The following SYT16 variants were observed in gnomAD, a reference collection of about 807,000 sequenced individuals.
SYT16 encodes synaptotagmin 16.
SYT16 carries 42 observed loss-of-function variants against 61.4 expected under a neutral mutation model. That is an observed-to-expected ratio of 0.68 (90% CI 0.53 to 0.89). The LOEUF is 0.89. Ranked by LOEUF, SYT16 falls within the 40% of genes least tolerant of loss-of-function variation. The pLI, the probability that SYT16 is intolerant of heterozygous loss-of-function variation, is 0.00. For missense variants in SYT16, 804 were observed against 807.3 expected (o/e 1.00, Z 0.05); for synonymous variants, 314 against 302.3 (o/e 1.04, Z -0.40).
chr14:61,864,902 G>A, intron 1 of SYT16: 2 of 1,248,802 alleles, frequency 1.6e-6, no homozygotes, highest in South Asian at 1.2e-5. Flanking sequence ...CGCGGATGGC[G>A]GGATGCTCCG....
intron 1 of SYT16, among the ~76,000 whole-genome samples, chr14:61,946,037 C>T (rs1276884566): frequency 2.0e-5 from 3 of 151,966 alleles, no homozygotes; most frequent in East Asian, 1.9e-4. Flanking sequence ...GGGAGGGGAA[C>T]ATCACACACC....
Position 61,879,235 on chromosome 14 carries a change from A to T in SYT16, c.-325+66425A>T, listed in dbSNP as rs530453619. On this transcript the variant is annotated intron_variant, in intron 1 of 7. Transcript: ENST00000683842. Reference sequence around the variant, plus strand: ...TTAATACTTTTTCTCTTTGGCTTCCATAAGGATTTAAAAACAAAAACAGAA... The same window carrying T: ...TTAATACTTTTTCTCTTTGGCTTCCTTAAGGATTTAAAAACAAAAACAGAA... 1.2e-4 allele frequency among the ~76,000 whole-genome samples: 18 copies of T among 152,288 alleles called. No homozygotes were observed. The South Asian group carries it at 3.5e-3, about 30-fold the overall frequency.
chr14:62,029,822 G>C (rs183473598), intron 3 of SYT16, among the ~76,000 whole-genome samples: 57 of 152,066 alleles, frequency 3.7e-4, no homozygotes, highest in African/African-American at 1.3e-3. Flanking sequence ...GGTTTTATCA[G>C]CTGAGGCCAT....
chr14:61,887,642 T>A (rs1470354117), intron 1 of SYT16, among the ~76,000 whole-genome samples: 1 of 152,238 alleles, frequency 6.6e-6, no homozygotes, highest in Non-Finnish European at 1.5e-5. Flanking sequence ...TGCCTTGCAC[T>A]TTTATATTAT....
intron 1 of SYT16, among the ~76,000 whole-genome samples, chr14:61,949,128 T>G (rs1305605650): frequency 1.3e-5 from 2 of 152,214 alleles, no homozygotes; most frequent in African/African-American, 2.4e-5. Flanking sequence ...CACCACCAGA[T>G]ACAAGATTGG....
At chr14:61,842,426 G>A (rs2046325168) in intron 1 of SYT16, among the ~76,000 whole-genome samples, 1 of 152,096 alleles carries the variant, frequency 6.6e-6, no homozygotes, top group Admixed American at 6.6e-5. Flanking sequence ...AGCATGCAAT[G>A]TTTGTCTTTC....
intron 1 of SYT16, chr14:61,832,057 C>A: frequency 2.8e-6 from 2 of 714,202 alleles, no homozygotes; most frequent in Non-Finnish European, 5.3e-6. Flanking sequence ...ATGGCAGCGC[C>A]CACAACCGTC....
chr14:61,951,153 T>A (rs573868744), intron 1 of SYT16, among the ~76,000 whole-genome samples: 1 of 152,210 alleles, frequency 6.6e-6, no homozygotes, highest in Non-Finnish European at 1.5e-5. Context: ...ACAAACAAAT[T>A]CTTAGTAACA....
rs761967104 is a variant in SYT16, at chr14:62,100,613, A to G, written c.1844A>G (p.Asn615Ser). The G allele has an allele frequency of 6.2e-7, 1 of 1,613,876 alleles. No individual in the cohort carries two copies. The highest frequency in any genetic ancestry group is 8.5e-7 in the Non-Finnish European group (1 of 1,179,826). The change falls in exon 8 of 8, where the codon AAC becomes AGC. Residue 615 changes from asparagine (N) to serine (S), a missense_variant. Coordinates refer to ENST00000683842, the MANE Select transcript of SYT16 (RefSeq NM_001367656.1). ...EMIGWIALGQNSSGEEEQDHW... is the reference protein window; with the variant it reads ...EMIGWIALGQSSSGEEEQDHW... ...ATTGGCTGGATTGCCCTGGGCCAGAACAGCAGTGGAGAGGAGGAACAAGAT... is the reference window on the plus strand; with the variant it reads ...ATTGGCTGGATTGCCCTGGGCCAGAGCAGCAGTGGAGAGGAGGAACAAGAT...
At chr14:62,039,051 C>G (rs556702315) in intron 3 of SYT16, among the ~76,000 whole-genome samples, 3 of 152,294 alleles carry the variant, frequency 2.0e-5, no homozygotes, top group Admixed American at 2.0e-4. Context: ...AGTCACACAG[C>G]TAACAAGTGG....
At chr14:62,087,779 C>T (rs1014019954) in intron 7 of SYT16, among the ~76,000 whole-genome samples, 7 of 141,894 alleles carry the variant, frequency 4.9e-5, no homozygotes, top group African/African-American at 1.7e-4. Context: ...AGTTCTTCTC[C>T]TCTGTTGGGG....
intron 1 of SYT16, among the ~76,000 whole-genome samples, chr14:61,825,235 G>A (rs1188291860): frequency 6.6e-6 from 1 of 152,118 alleles, no homozygotes; most frequent in Non-Finnish European, 1.5e-5. Flanking sequence ...ACTTCAGGGT[G>A]GTTATTCAGG....
chr14:62,075,186 A>G lies in SYT16; in HGVS notation c.788A>G (p.Glu263Gly). Residue 263 changes from glutamate to glycine, a missense_variant, in exon 5 of 8, where the codon GAA (glutamate) becomes GGA (glycine). Transcript: ENST00000683842. ...TATTCTGAGAATCTCTCCTACGGTG[A>G]AGATGACCACATCCCTGCTCACTCA... The part of the protein sequence containing the change: ...RRYSENLSYG[E>G]DDHIPAHSQS... 2 of 1,613,116 alleles carry G rather than the reference A, an allele frequency of 1.2e-6. No homozygotes were observed. The highest frequency in any genetic ancestry group is 1.7e-6 in the Non-Finnish European group (2 of 1,179,476).
In SYT16 at chr14:62,080,819, C is replaced by T; in HGVS notation, c.994-15C>T. The T allele has an allele frequency of 5.7e-6, 9 of 1,573,826 alleles. No homozygotes were observed. Among genetic ancestry groups the T allele is most frequent in the African/African-American group, 1.3e-5 (1 of 74,266 alleles). The stretch of plus-strand genomic sequence containing the variant: ...CATCATTTCCATTTCTAATTGTTTC[C>T]TCTGCCTGCAACAGGAACAGGACAG... On this transcript the variant is annotated splice_polypyrimidine_tract_variant and intron_variant, in intron 5 of 7. Transcript: ENST00000683842.
At chr14:61,864,934 C>T in intron 1 of SYT16, 1 of 1,292,268 alleles carries the variant, frequency 7.7e-7, no homozygotes, top group South Asian at 1.2e-5. Flanking sequence ...GGGTCCTGGG[C>T]TGCCTGCAGG....
At chr14:61,816,092 C>T (rs113280244) in intron 1 of SYT16, among the ~76,000 whole-genome samples, 1,730 of 152,166 alleles carry the variant, frequency 0.011, 30 homozygotes, top group African/African-American at 0.037. Context: ...GACATCTGTC[C>T]CCGTTTGGGT....
chr14:62,077,274 C>T (rs2056529890), intron 5 of SYT16, among the ~76,000 whole-genome samples: 1 of 152,198 alleles, frequency 6.6e-6, no homozygotes, highest in Non-Finnish European at 1.5e-5. Flanking sequence ...GACAATTTGA[C>T]ACAAGTATTC....
chr14:62,039,834 T>TACACACACACACACAC (rs71449576), intron 3 of SYT16, among the ~76,000 whole-genome samples: 16 of 124,422 alleles, frequency 1.3e-4, no homozygotes, highest in East Asian at 5.1e-4. Flanking sequence ...GGCTTAAGCA[T>TACACACACACACACAC]ACACACACAC....
chr14:62,098,033 C>A (rs1274037223), intron 7 of SYT16, among the ~76,000 whole-genome samples: 1 of 152,192 alleles, frequency 6.6e-6, no homozygotes, highest in Admixed American at 6.5e-5. Flanking sequence ...AGTGTTTTCA[C>A]ACCTGAAGTG....
Sources: allele counts gnomAD v4.1 joint callset (sites outside exome capture counted in the v4.1 genomes callset), GRCh38; gene constraint gnomAD v4.1.1; transcripts MANE v1.5; gene names NCBI Gene and HGNC (gene_info 2026-07-23, HGNC 2026-07-21).